BUB1B: variants seen among roughly 807,000 people sequenced by gnomAD.
The protein encoded by BUB1B is mitotic checkpoint serine/threonine-protein kinase BUB1 beta.
BUB1B carries 86 observed loss-of-function variants against 137.7 expected under a neutral mutation model. That is an observed-to-expected ratio of 0.62 (90% CI 0.52 to 0.75). The LOEUF is 0.75. Ranked by LOEUF, BUB1B falls within the 30% of genes least tolerant of loss-of-function variation. BUB1B has a pLI of 0.00. For synonymous variants in BUB1B, 420 were observed against 417.9 expected (o/e 1.00, Z -0.06); for missense variants, 1,130 against 1,236.9 (o/e 0.91, Z 1.30).
intron 8 of BUB1B, among the ~76,000 whole-genome samples, chr15:40,196,291 C>T (rs111410725): frequency 6.9e-4 from 105 of 152,246 alleles, no homozygotes; most frequent in African/African-American, 2.4e-3. Flanking sequence ...GATCAGTTGA[C>T]TGTGAGTATT....
intron 15 of BUB1B, among the ~76,000 whole-genome samples, chr15:40,207,467 C>T (rs909295483): frequency 2.0e-5 from 3 of 151,870 alleles, no homozygotes; most frequent in East Asian, 1.9e-4. Flanking sequence ...TCCCTACAGG[C>T]TTTTAAGCAC....
chr15:40,177,456 C>T (rs1475769001), intron 5 of BUB1B, among the ~76,000 whole-genome samples: 1 of 151,972 alleles, frequency 6.6e-6, no homozygotes, highest in Non-Finnish European at 1.5e-5. Flanking sequence ...TTCATTTGTT[C>T]CAATGCCAAT....
intron 4 of BUB1B, among the ~76,000 whole-genome samples, chr15:40,172,839 T>G (rs1439752443): frequency 6.6e-6 from 1 of 152,192 alleles, no homozygotes; most frequent in African/African-American, 2.4e-5. Context: ...GGATATTAGT[T>G]ACAGAAACTT....
At chr15:40,162,445 T>C (rs185501691) in intron 1 of BUB1B, among the ~76,000 whole-genome samples, 71 of 152,276 alleles carry the variant, frequency 4.7e-4, no homozygotes, top group African/African-American at 1.5e-3. Flanking sequence ...GGCTGTAGTG[T>C]TGAATACACT....
rs1321995748 is a variant in BUB1B at position 40,185,299 on chromosome 15, A to G, written c.886A>G (p.Ile296Val). The G allele has an allele frequency of 6.2e-7, 1 of 1,614,160 alleles. No homozygotes were observed. The highest frequency in any genetic ancestry group is 2.2e-5 in the East Asian group (1 of 44,876). ...GTCTAAGCCTACAGTCCAGCCATGG[A>G]TAGCACCCCCCATGCCCAGGGCCAA... ...ELSKPTVQPW[I>V]APPMPRAKEN... Residue 296 changes from isoleucine to valine, a missense_variant, in exon 7 of 23, where the codon ATA (isoleucine) becomes GTA (valine). Ile to Val is a conservative substitution (Grantham distance 29). Coordinates refer to ENST00000287598, the MANE Select transcript of BUB1B (RefSeq NM_001211.6).
chr15:40,219,344 C>T (rs1423824569), intron 22 of BUB1B, among the ~76,000 whole-genome samples: 4 of 152,174 alleles, frequency 2.6e-5, no homozygotes, highest in African/African-American at 9.7e-5. Flanking sequence ...AGATAACTGA[C>T]TCTCCTGGAG....
At chr15:40,184,211 C>G (rs1194972248) in intron 6 of BUB1B, among the ~76,000 whole-genome samples, 5 of 152,084 alleles carry the variant, frequency 3.3e-5, no homozygotes, top group Non-Finnish European at 7.3e-5. Context: ...GAGAATGATA[C>G]TAATATGGTT....
At chr15:40,218,343 T>C in intron 21 of BUB1B, 113 bp from the exon 22 acceptor site, 1 of 779,348 alleles carries the variant, frequency 1.3e-6, no homozygotes, top group Non-Finnish European at 2.2e-6. Flanking sequence ...AAAATGTATG[T>C]CATAAAATAA....
At position 40,176,532 on chromosome 15, in the gene BUB1B, T is replaced by C. The variant is rs763623522; in HGVS notation, c.440T>C (p.Ile147Thr). Reference protein sequence around the residue: ...DMYSYLHNQGIGVSLAQFYIS... With the variant: ...DMYSYLHNQGTGVSLAQFYIS... ...TACAGTTACTTGCACAACCAAGGGA[T>C]TGGTGTTTCACTTGCTCAGTTCTAT... Residue 147 changes from isoleucine to threonine, a missense_variant, in exon 5 of 23, where the codon ATT becomes ACT. By Grantham distance (89) the Ile-to-Thr change is moderately conservative. Transcript: ENST00000287598. 5.1e-5 allele frequency: 82 copies of C among 1,614,040 alleles called. No homozygotes were observed. Among genetic ancestry groups the C allele is most frequent in the Middle Eastern group, 1.6e-4 (1 of 6,084 alleles).
intron 14 of BUB1B, 56 bp from the exon 15 acceptor site, chr15:40,206,128 A>C: frequency 2.5e-6 from 4 of 1,584,444 alleles, no homozygotes; most frequent in Non-Finnish European, 3.5e-6. Flanking sequence ...TCTCAGTAAA[A>C]AAGTTCTTCA....
intron 5 of BUB1B, among the ~76,000 whole-genome samples, chr15:40,179,883 C>T (rs1449526315): frequency 1.3e-5 from 2 of 151,780 alleles, no homozygotes; most frequent in African/African-American, 4.8e-5. Flanking sequence ...ATATTCCCTA[C>T]CCTTTTGGTA....
chr15:40,181,462 C>T (rs188446593), intron 5 of BUB1B, among the ~76,000 whole-genome samples: 2 of 151,546 alleles, frequency 1.3e-5, no homozygotes, highest in African/African-American at 4.8e-5. Flanking sequence ...ATGCCTTTCA[C>T]AAAATTTGAC....
At position 40,170,641 on chromosome 15, in the gene BUB1B, A is replaced by G; in HGVS notation, c.344A>G (p.Tyr115Cys). The G allele has an allele frequency of 6.2e-7, 1 of 1,613,770 alleles. No individual in the cohort carries two copies. Among genetic ancestry groups the G allele is most frequent in the Non-Finnish European group, 8.5e-7 (1 of 1,179,746 alleles). Residue 115 changes from tyrosine (Y) to cysteine (C), a missense_variant, in exon 4 of 23, where the codon TAT becomes TGT. Transcript: ENST00000287598. ...GAAGCACTACAAGGAGAAAAACGAT[A>G]TTATAGTGATCCTCGATTTCTCAAT... ...AVEALQGEKR[Y>C]YSDPRFLNLW...
At position 40,185,379 on chromosome 15, in the gene BUB1B, G is replaced by A. The variant is rs2037347512; in HGVS notation, c.966G>A (p.Arg322=). ...ACACAGGCAGGTCCTTGGAACACAG[G>A]GTAAGGACTCTTAGATCCAGTGCTT... is the stretch of plus-strand genomic sequence containing the variant. ...PWNTGRSLEH[R]PRGNTASLIA... Residue 322 remains arginine (R), a splice_region_variant and synonymous_variant, in exon 7 of 23, where the codon AGG becomes AGA. Transcript: ENST00000287598. 1.9e-6 allele frequency: 3 copies of A among 1,613,912 alleles called. No individual in the cohort carries two copies. The highest frequency in any genetic ancestry group is 2.5e-6 in the Non-Finnish European group (3 of 1,179,982).
intron 8 of BUB1B, among the ~76,000 whole-genome samples, chr15:40,193,227 G>C (rs960763514): frequency 6.6e-6 from 1 of 152,106 alleles, no homozygotes; most frequent in African/African-American, 2.4e-5. Flanking sequence ...TTGTAGGAAA[G>C]TGCCAAGTTA....
chr15:40,209,815 T>C (rs1224474482), intron 17 of BUB1B, 40 bp downstream of exon 17: 2 of 1,608,238 alleles, frequency 1.2e-6, no homozygotes, highest in African/African-American at 2.7e-5. Context: ...TTCATGACAG[T>C]ATACAAATAA....
Position 40,165,072 on chromosome 15 carries a change from G to A in BUB1B, c.55G>A (p.Gly19Arg). The change falls in exon 2 of 23, where the codon GGA becomes AGA. Residue 19 changes from glycine to arginine, a missense_variant. Transcript: ENST00000287598. Reference protein sequence around the residue: ...GALSEAMSLEGDEWELSKENV... With the variant: ...GALSEAMSLERDEWELSKENV... ...TCACAGTGAAGCCATGTCCCTGGAG[G>A]GAGATGAATGGGAACTGAGTAAAGA... The A allele has an allele frequency of 6.2e-7, 1 of 1,614,210 alleles. No individual in the cohort carries two copies. The highest frequency in any genetic ancestry group is 1.1e-5 in the South Asian group (1 of 91,088).
At chr15:40,200,411 C>G in intron 11 of BUB1B, 52 bp downstream of exon 11, 2 of 1,335,620 alleles carry the variant, frequency 1.5e-6, no homozygotes, top group Non-Finnish European at 2.1e-6. Flanking sequence ...CATTTAGAAC[C>G]AACCTTTGAC....
At chr15:40,193,028 T>C (rs2037455402) in intron 8 of BUB1B, among the ~76,000 whole-genome samples, 1 of 151,982 alleles carries the variant, frequency 6.6e-6, no homozygotes, top group Non-Finnish European at 1.5e-5. Flanking sequence ...TTATTTTTTT[T>C]TTTTAAAGAT....
Sources: gnomAD v4.1 joint callset for allele counts (sites outside exome capture counted in the v4.1 genomes callset) on GRCh38, gnomAD v4.1.1 for gene constraint, MANE v1.5 for transcripts, NCBI Gene and HGNC (gene_info 2026-07-23, HGNC 2026-07-21) for gene names.